The following MAN2A2 variants were observed in gnomAD, a reference collection of about 807,000 sequenced individuals.
MAN2A2 encodes mannosidase alpha class 2A member 2, also known as alpha-mannosidase 2x.
MAN2A2 carries 79 observed loss-of-function variants against 126.8 expected under a neutral mutation model. That is an observed-to-expected ratio of 0.62 (90% CI 0.52 to 0.75). The LOEUF is 0.75. Among genes scored for constraint, MAN2A2 ranks in the 30% least tolerant of loss-of-function variants. The probability of loss-of-function intolerance (pLI) is 0.00; values close to 1 mark genes in which losing one functional copy is unlikely to be tolerated. For missense variants in MAN2A2, 1,392 were observed against 1,522.4 expected (o/e 0.91, Z 1.43); for synonymous variants, 671 against 618.7 (o/e 1.08, Z -1.25).
intron 17 of MAN2A2, 93 bp downstream of exon 17, chr15:90,913,084 C>T: frequency 8.5e-7 from 1 of 1,177,154 alleles, no homozygotes; most frequent in South Asian, 1.3e-5. Flanking sequence ...GTTCATACCT[C>T]TGTTCCGTAT....
Position 90,910,214 on chromosome 15 carries a change from AG to A in MAN2A2, c.1501del (p.Asp501IlefsTer17). ...SGDFFSYADREDHYWTGYYTS... is the reference protein window; with the variant it reads ...SGDFFSYADRXDHYWTGYYTS... ...GATTTCTTCTCCTATGCGGACCGGGAGGATCATTACTGGACAGGCTATTACA... is the reference window on the plus strand; with the variant it reads ...GATTTCTTCTCCTATGCGGACCGGGAGATCATTACTGGACAGGCTATTACA... On this transcript the variant is annotated frameshift_variant, in exon 10 of 23. Transcript: ENST00000559717. LOFTEE classifies it high-confidence loss of function. 6.2e-7 allele frequency: 1 copy of A among 1,614,070 alleles called. No individual in the cohort carries two copies. Among genetic ancestry groups the A allele is most frequent in the Non-Finnish European group, 8.5e-7 (1 of 1,180,002 alleles).
intron 19 of MAN2A2, among the ~76,000 whole-genome samples, chr15:90,914,121 G>A (rs1477800403): frequency 6.6e-6 from 1 of 152,240 alleles, no homozygotes; most frequent in African/African-American, 2.4e-5. Context: ...AGAAGGCCAG[G>A]AGTTTGAGAC....
intron 19 of MAN2A2, 111 bp downstream of exon 19, chr15:90,913,866 C>T (rs2034972023): frequency 7.4e-7 from 1 of 1,347,370 alleles, no homozygotes. Flanking sequence ...TGGACTGCAT[C>T]ACCTCCATGC....
At position 90,911,766 on chromosome 15, in the gene MAN2A2, G is replaced by A. The variant is rs149158762; in HGVS notation, c.2109+216G>A. 41 of 615,294 alleles carry A rather than the reference G, an allele frequency of 6.7e-5. No homozygotes were observed. The East Asian group carries it at 1.1e-3, about 16-fold the overall frequency. 38.1% of individuals were successfully genotyped at this position (615,294 alleles called of 1,614,324 possible). On this transcript the variant is annotated intron_variant, in intron 14 of 22. Transcript: ENST00000559717. Reference sequence around the variant, plus strand: ...GGAAGGTTGGTATGGTAATAGTAATGGTAAAAATAGCAGTTATAATGCCCC... The same window carrying A: ...GGAAGGTTGGTATGGTAATAGTAATAGTAAAAATAGCAGTTATAATGCCCC...
chr15:90,919,971 G>A lies in MAN2A2; in HGVS notation c.*184G>A. 1.5e-6 allele frequency: 1 copy of A among 676,960 alleles called. No homozygotes were observed. The highest frequency in any genetic ancestry group is 2.5e-6 in the Non-Finnish European group (1 of 408,038). 41.9% of individuals were successfully genotyped at this position (676,960 alleles called of 1,614,324 possible). A position where few individuals can be genotyped will look rare whatever the true frequency, so the allele number is the denominator to read the frequency against. ...TTTCGGCGCAACCCACAAACCCAGT[G>A]ATGGGTAAATAGGGCAGACGCCAGT... On this transcript the variant is annotated 3_prime_UTR_variant, in exon 23 of 23. Coordinates refer to ENST00000559717, the MANE Select transcript of MAN2A2 (RefSeq NM_006122.4).
Position 90,921,924 on chromosome 15 carries a change from A to C in MAN2A2, c.*2137A>C, listed in dbSNP as rs1048955960. The C allele has an allele frequency of 4.6e-5, 7 of 151,854 alleles. No individual in the cohort carries two copies. Among genetic ancestry groups the C allele is most frequent in the East Asian group, 1.9e-4 (1 of 5,196 alleles). 9.4% of individuals were successfully genotyped at this position (151,854 alleles called of 1,614,324 possible). A position where few individuals can be genotyped will look rare whatever the true frequency, so the allele number is the denominator to read the frequency against. ...CCTGGGTGACACAGCCAAAAAAAAAACCACTAAGTTAGATCTCTACCTCAC... is the reference window on the plus strand; with the variant it reads ...CCTGGGTGACACAGCCAAAAAAAAACCCACTAAGTTAGATCTCTACCTCAC... On this transcript the variant is annotated 3_prime_UTR_variant, in exon 23 of 23. Transcript: ENST00000559717.
intron 16 of MAN2A2, 57 bp from the exon 17 acceptor site, chr15:90,912,820 A>C (rs1390632338): frequency 1.3e-6 from 2 of 1,561,056 alleles, no homozygotes; most frequent in East Asian, 4.5e-5. Flanking sequence ...CTGGGCTGGC[A>C]CCTTCCTGCT....
chr15:90,919,798 G>A lies in MAN2A2; in HGVS notation c.*11G>A. On this transcript the variant is annotated 3_prime_UTR_variant, in exon 23 of 23. Transcript: ENST00000559717. ...CTCCGCTTGGGTTAGGGCTTCTTGT[G>A]GCCTGAAGAGAAAGTTCATTCACAG... 6.2e-7 allele frequency: 1 copy of A among 1,613,606 alleles called. No individual in the cohort carries two copies. Among genetic ancestry groups the A allele is most frequent in the Non-Finnish European group, 8.5e-7 (1 of 1,179,684 alleles).
intron 20 of MAN2A2, 105 bp downstream of exon 20, chr15:90,916,361 A>AG (rs930417786): frequency 5.6e-6 from 8 of 1,439,450 alleles, no homozygotes; most frequent in Non-Finnish European, 7.5e-6. Context: ...GGTGGGCAAG[A>AG]GAGAGAGAGT....
chr15:90,922,434 T>C lies in MAN2A2; in HGVS notation c.*2647T>C, dbSNP rs2035582470. ...CTGGTATATACGAGAGCTCCACAAA[T>C]GTGAGCTATAATCCTACTAGTAAAG... On this transcript the variant is annotated 3_prime_UTR_variant, in exon 23 of 23. Coordinates refer to ENST00000559717, the MANE Select transcript of MAN2A2 (RefSeq NM_006122.4). The C allele has an allele frequency of 6.6e-6, 1 of 152,178 alleles. No individual in the cohort carries two copies. Among genetic ancestry groups the C allele is most frequent in the African/African-American group, 2.4e-5 (1 of 41,446 alleles). The allele number at this position is 152,178 out of a possible 1,614,324, so 9.4% of individuals were successfully genotyped here.
intron 11 of MAN2A2, 43 bp downstream of exon 11, chr15:90,910,726 G>C (rs776563061): frequency 6.2e-7 from 1 of 1,609,220 alleles, no homozygotes; most frequent in South Asian, 1.1e-5. Context: ...CCTGCTCACT[G>C]TCCCAAAGAA....
intron 7 of MAN2A2, 93 bp downstream of exon 7, chr15:90,907,006 G>A (rs74470807): frequency 0.039 from 57,777 of 1,471,330 alleles, 1,344 homozygotes; most frequent in Non-Finnish European, 0.046. Context: ...CTGTTCTTCA[G>A]AGCAGACCTG....
chr15:90,913,553 G>T, intron 18 of MAN2A2, 61 bp from the exon 19 acceptor site: 5 of 1,573,388 alleles, frequency 3.2e-6, no homozygotes, highest in Non-Finnish European at 4.3e-6. Flanking sequence ...CTTCAGTCTG[G>T]GGACCGCTTG....
intron 1 of MAN2A2, chr15:90,903,919 C>T (rs2034037166): frequency 4.3e-6 from 2 of 463,260 alleles, no homozygotes; most frequent in South Asian, 2.0e-5. Context: ...TAATCAGGAG[C>T]TTGTGTGGTG....
At chr15:90,907,560 G>A in intron 8 of MAN2A2, 65 bp downstream of exon 8, 3 of 1,496,290 alleles carry the variant, frequency 2.0e-6, no homozygotes, top group South Asian at 1.2e-5. Flanking sequence ...TCTGGGCCGT[G>A]CCACGTGGAG....
upstream of MAN2A2, chr15:90,903,238 C>T (rs2033981795): frequency 6.6e-6 from 1 of 152,422 alleles, no homozygotes; most frequent in African/African-American, 2.4e-5. Context: ...CAGCTCCACC[C>T]ACATTGGCCT....
intron 19 of MAN2A2, chr15:90,915,910 C>T (rs1477829681): frequency 3.6e-5 from 19 of 530,102 alleles, no homozygotes; most frequent in Non-Finnish European, 6.0e-5. Flanking sequence ...TTCTGGACCT[C>T]ATGCTTCCTC....
intron 19 of MAN2A2, 143 bp from the exon 20 acceptor site, chr15:90,915,980 C>T (rs1036329115): frequency 1.2e-6 from 1 of 862,818 alleles, no homozygotes; most frequent in Non-Finnish European, 1.7e-6. Flanking sequence ...GCCGTGGGAA[C>T]CCGTGACCTC....
At chr15:90,911,658 C>A in intron 14 of MAN2A2, 108 bp downstream of exon 14, 1 of 1,267,094 alleles carries the variant, frequency 7.9e-7, no homozygotes, top group Non-Finnish European at 1.1e-6. Context: ...TGCTACTCTC[C>A]AGGCTGAGGA....
Sources: allele counts gnomAD v4.1 joint callset (sites outside exome capture counted in the v4.1 genomes callset), GRCh38; gene constraint gnomAD v4.1.1; transcripts MANE v1.5; gene names NCBI Gene and HGNC (gene_info 2026-07-23, HGNC 2026-07-21).